Variants in LRRC47 observed in about 807,000 individuals in gnomAD.
LRRC47 encodes leucine-rich repeat-containing protein 47.
A neutral mutation model predicts 40.9 loss-of-function variants in LRRC47; 31 were observed. The observed-to-expected ratio is 0.76, with a 90% CI of 0.57 to 1.02. The LOEUF (loss-of-function observed/expected upper bound fraction) is 1.02. LRRC47 is among the 50% of genes least tolerant of loss of function. The pLI is 0.00. For missense variants in LRRC47, 726 were observed against 796.1 expected, an observed-to-expected ratio of 0.91 and a Z score of 1.06; for synonymous variants, 427 against 371.9, an observed-to-expected ratio of 1.15 and a Z score of -1.70.
intron 5 of LRRC47, among the ~76,000 whole-genome samples, chr1:3,782,278 C>T (rs768962407): frequency 4.9e-4 from 74 of 151,466 alleles, no homozygotes; most frequent in Middle Eastern, 3.2e-3. Context: ...AGTGGAATGG[C>T]GCGATCTCGA....
chr1:3,796,010 T>C lies in LRRC47; in HGVS notation c.467A>G (p.Gln156Arg), dbSNP rs1300733108. Reference sequence around the variant, plus strand: ...GCAATTGCCGGTGAGGTTGAGGCTCTGCAGGCGCGGGGCGCAGCGCGCCAG... The same window carrying C: ...GCAATTGCCGGTGAGGTTGAGGCTCCGCAGGCGCGGGGCGCAGCGCGCCAG... ...ADLARCAPRLQSLNLTGNCLD... is the reference protein window; with the variant it reads ...ADLARCAPRLRSLNLTGNCLD... Residue 156 changes from glutamine (Q) to arginine (R), a missense_variant, in exon 1 of 7, where the codon CAG (glutamine) becomes CGG (arginine). Physicochemically the swap from Gln to Arg is conservative, Grantham distance 43 (BLOSUM62 1). Coordinates refer to ENST00000378251, the MANE Select transcript of LRRC47 (RefSeq NM_020710.3). 6 of 1,557,332 alleles carry C rather than the reference T, an allele frequency of 3.9e-6. No individual in the cohort carries two copies. Among genetic ancestry groups the C allele is most frequent in the South Asian group, 2.4e-5 (2 of 85,016 alleles).
At chr1:3,789,175 G>A (rs1029391391) in intron 1 of LRRC47, among the ~76,000 whole-genome samples, 1 of 152,208 alleles carries the variant, frequency 6.6e-6, no homozygotes, top group Non-Finnish European at 1.5e-5. Context: ...GGAACAGTGC[G>A]GCCGTGAGCT....
chr1:3,795,900 C>T lies in LRRC47; in HGVS notation c.577G>A (p.Glu193Lys), dbSNP rs1301430760. 3 of 1,597,660 alleles carry T rather than the reference C, an allele frequency of 1.9e-6. No homozygotes were observed. Among genetic ancestry groups the T allele is most frequent in the Non-Finnish European group, 2.5e-6 (3 of 1,176,734 alleles). ...ELAAADNCLR[E>K]LSPDIAHLAS... ...AGGTGGGCGATGTCGGGGCTGAGTT[C>T]TCGGAGGCAGTTGTCAGCAGCCGCC... The change falls in exon 1 of 7, where the codon GAA becomes AAA. Residue 193 changes from glutamate to lysine, a missense_variant. By Grantham distance (56) the Glu-to-Lys change is moderately conservative. Coordinates refer to ENST00000378251, the MANE Select transcript of LRRC47 (RefSeq NM_020710.3).
At chr1:3,786,772 T>A in intron 2 of LRRC47, 77 bp downstream of exon 2, 1 of 1,361,858 alleles carries the variant, frequency 7.3e-7, no homozygotes, top group Non-Finnish European at 9.9e-7. Context: ...TCGGACACGC[T>A]GGCCTCAGGA....
At chr1:3,795,252 A>G (rs149368651) in intron 1 of LRRC47, among the ~76,000 whole-genome samples, 1 of 152,250 alleles carries the variant, frequency 6.6e-6, no homozygotes, top group East Asian at 1.9e-4. Context: ...TTATAGGCCA[A>G]GCATTATCGC....
rs757192534 is a variant in LRRC47, at chr1:3,795,957, G to C, written c.520C>G (p.Arg174Gly). The C allele has an allele frequency of 1.3e-5, 20 of 1,594,048 alleles. No individual in the cohort carries two copies. Among genetic ancestry groups the C allele is most frequent in the South Asian group, 1.0e-4 (9 of 88,450 alleles). ...CLDSFPAELFRPGALPLLSEL... is the reference protein window; with the variant it reads ...CLDSFPAELFGPGALPLLSEL... ...CTGAGCAGGGGCAGCGCGCCGGGGC[G>C]AAAGAGCTCGGCGGGAAAGGAGTCT... is the stretch of plus-strand genomic sequence containing the variant. The change falls in exon 1 of 7, where the codon CGC becomes GGC. Residue 174 changes from arginine (R) to glycine (G), a missense_variant. Physicochemically the swap from Arg to Gly is moderately radical, Grantham distance 125. Transcript: ENST00000378251.
intron 2 of LRRC47, 97 bp from the exon 3 acceptor site, chr1:3,785,300 C>T (rs1643561556): frequency 2.4e-6 from 2 of 833,370 alleles, no homozygotes. Flanking sequence ...TGCCAGGAAA[C>T]CCTCCCGGTC....
rs1643519783 is a variant in LRRC47, at chr1:3,781,444, G to C, written c.1503+68C>G. The C allele has an allele frequency of 9.5e-6, 15 of 1,572,924 alleles. No homozygotes were observed. The East Asian group carries it at 3.4e-4, about 36-fold the overall frequency. On this transcript the variant is annotated intron_variant, in intron 6 of 6. Transcript: ENST00000378251. The stretch of plus-strand genomic sequence containing the variant: ...AAAAAAGAGGCAAGCAGGACGGGTG[G>C]GAAGTCAAGGAGCAGAGCACCACTC...
At chr1:3,784,668 G>A (rs941538514) in intron 3 of LRRC47, among the ~76,000 whole-genome samples, 3 of 152,238 alleles carry the variant, frequency 2.0e-5, no homozygotes, top group Non-Finnish European at 4.4e-5. Flanking sequence ...ATTATTTCAT[G>A]TCTTTGCAAG....
Position 3,781,039 on chromosome 1 carries a change from GAAACCTCCGCA to G in LRRC47, c.*38_*48del, listed in dbSNP as rs1557639694. On this transcript the variant is annotated 3_prime_UTR_variant, in exon 7 of 7. Coordinates refer to ENST00000378251, the MANE Select transcript of LRRC47 (RefSeq NM_020710.3). ...ACGGATAATTCAGCATTGCCGCATAGAAACCTCCGCAAAACCGGCCAAACAAACGCGGACAG... is the reference window on the plus strand; with the variant it reads ...ACGGATAATTCAGCATTGCCGCATAGAAACCGGCCAAACAAACGCGGACAG... The G allele has an allele frequency of 6.9e-6, 11 of 1,588,240 alleles. No individual in the cohort carries two copies. The highest frequency in any genetic ancestry group is 1.7e-6 in the Non-Finnish European group (2 of 1,164,854).
chr1:3,788,215 T>C (rs1216560149), intron 1 of LRRC47, among the ~76,000 whole-genome samples: 1 of 152,222 alleles, frequency 6.6e-6, no homozygotes, highest in African/African-American at 2.4e-5. Context: ...CTCTGCTCTT[T>C]CCTGGCTTGG....
chr1:3,782,934 G>A (rs758290670), intron 4 of LRRC47, 171 bp from the exon 5 acceptor site: 1 of 603,900 alleles, frequency 1.7e-6, no homozygotes, highest in Non-Finnish European at 3.0e-6. Flanking sequence ...CGCTAAGTCT[G>A]TCATCACTAT....
At position 3,781,264 on chromosome 1, in the gene LRRC47, C is replaced by T. The variant is rs148788647; in HGVS notation, c.1576G>A (p.Ala526Thr). ...EGSLSDTEAD[A>T]VSGQLPDPTT... ...GGATCTGGAAGTTGTCCAGAGACTG[C>T]ATCGGCTTCAGTATCTGAGAGTGAT... The change falls in exon 7 of 7, where the codon GCA becomes ACA. Residue 526 changes from alanine (A) to threonine (T), a missense_variant. Ala to Thr is a moderately conservative substitution (Grantham distance 58). Transcript: ENST00000378251. 2 of 1,614,072 alleles carry T rather than the reference C, an allele frequency of 1.2e-6. No individual in the cohort carries two copies. The highest frequency in any genetic ancestry group is 1.7e-6 in the Non-Finnish European group (2 of 1,180,006).
rs531703282 is a variant in LRRC47 at position 3,779,771 on chromosome 1, T to A, written c.*1317A>T. On this transcript the variant is annotated 3_prime_UTR_variant, in exon 7 of 7. Transcript: ENST00000378251. Reference sequence around the variant, plus strand: ...CCTGCCTGTCACTGCAGCACCAGCGTGCACACGATGGAAACCCCACCGATG... The same window carrying A: ...CCTGCCTGTCACTGCAGCACCAGCGAGCACACGATGGAAACCCCACCGATG... The A allele has an allele frequency of 6.6e-6, 1 of 152,180 alleles. No homozygotes were observed. Among genetic ancestry groups the A allele is most frequent in the African/African-American group, 2.4e-5 (1 of 41,412 alleles). The allele number at this position is 152,180 out of a possible 1,614,324, so 9.4% of individuals were successfully genotyped here.
chr1:3,795,137 G>A (rs1451871553), intron 1 of LRRC47, among the ~76,000 whole-genome samples: 1 of 151,580 alleles, frequency 6.6e-6, no homozygotes, highest in African/African-American at 2.4e-5. Context: ...CCTTAAGGAT[G>A]AAACCAAAAG....
intron 2 of LRRC47, 52 bp downstream of exon 2, chr1:3,786,797 C>T (rs567569307): frequency 6.6e-5 from 97 of 1,475,100 alleles, no homozygotes; most frequent in Admixed American, 1.0e-4. Flanking sequence ...TCCCAGCTTG[C>T]GGCGTCTCAC....
In LRRC47 at chr1:3,781,589, T is replaced by C. The variant is rs1643521507; in HGVS notation, c.1426A>G (p.Thr476Ala). The C allele has an allele frequency of 6.2e-7, 1 of 1,613,428 alleles. No homozygotes were observed. The highest frequency in any genetic ancestry group is 8.5e-7 in the Non-Finnish European group (1 of 1,179,712). ...NSEKTKVKKT[T>A]SDLFLEVTSA... ...GTTACTTCCAAAAACAAATCAGAAG[T>C]CGTTTTCTTAACCTTAAAAGAAAAA... Residue 476 changes from threonine (T) to alanine (A), a missense_variant, in exon 6 of 7, where the codon ACT (threonine) becomes GCT (alanine). Physicochemically the swap from Thr to Ala is moderately conservative, Grantham distance 58. Coordinates refer to ENST00000378251, the MANE Select transcript of LRRC47 (RefSeq NM_020710.3).
chr1:3,796,459 C>T lies in LRRC47; in HGVS notation c.18G>A (p.Val6=). The T allele has an allele frequency of 6.6e-7, 1 of 1,511,468 alleles. No homozygotes were observed. Among genetic ancestry groups the T allele is most frequent in the South Asian group, 1.2e-5 (1 of 82,110 alleles). 93.6% of individuals were successfully genotyped at this position (1,511,468 alleles called of 1,614,324 possible). A position where few individuals can be genotyped will look rare whatever the true frequency, so the allele number is the denominator to read the frequency against. Residue 6 remains valine, a synonymous_variant, in exon 1 of 7, where the codon GTG becomes GTA. Transcript: ENST00000378251. MAAAA[V]SESWPELELA... The stretch of plus-strand genomic sequence containing the variant: ...GCTCCAGCTCCGGCCAAGACTCTGA[C>T]ACCGCTGCCGCCGCCATGGCGCCTC...
chr1:3,781,134 T>G lies in LRRC47; in HGVS notation c.1706A>C (p.Lys569Thr). 1.2e-6 allele frequency: 2 copies of G among 1,614,080 alleles called. No individual in the cohort carries two copies. The highest frequency in any genetic ancestry group is 1.7e-6 in the Non-Finnish European group (2 of 1,180,024). Reference sequence around the variant, plus strand: ...GGGAGGGGCAGTGGCCAGGTCGGCCTTGGACGGGTACACCACCTTCAGGCT... The same window carrying G: ...GGGAGGGGCAGTGGCCAGGTCGGCCGTGGACGGGTACACCACCTTCAGGCT... ...EGSLKVVYPS[K>T]ADLATAPPHV... Residue 569 changes from lysine to threonine, a missense_variant, in exon 7 of 7, where the codon AAG becomes ACG. Coordinates refer to ENST00000378251, the MANE Select transcript of LRRC47 (RefSeq NM_020710.3).
Sources: gnomAD v4.1 joint callset for allele counts (sites outside exome capture counted in the v4.1 genomes callset) on GRCh38, gnomAD v4.1.1 for gene constraint, MANE v1.5 for transcripts, NCBI Gene and HGNC (gene_info 2026-07-23, HGNC 2026-07-21) for gene names.